The following ZNF565 variants were observed in gnomAD, a reference collection of about 807,000 sequenced individuals.
ZNF565 encodes the protein zinc finger protein 565.
ZNF565 carries 27 observed loss-of-function variants against 39.4 expected under a neutral mutation model. The ratio of observed to expected loss-of-function variants is 0.69; its 90% CI spans 0.51 to 0.95. The LOEUF is 0.95. Among genes scored for constraint, ZNF565 ranks in the 40% least tolerant of loss-of-function variants. The pLI is 0.00. For synonymous variants in ZNF565, 185 were observed against 216.6 expected, an observed-to-expected ratio of 0.85 and a Z score of 1.28; for missense variants, 524 against 621.1, an observed-to-expected ratio of 0.84 and a Z score of 1.66.
chr19:36,189,892 C>T (rs1296982790), intron 4 of ZNF565, among the ~76,000 whole-genome samples: 1 of 151,440 alleles, frequency 6.6e-6, no homozygotes, highest in Non-Finnish European at 1.5e-5. Context: ...TAAAGATGCG[C>T]GATCGATCTT....
chr19:36,188,702 A>T (rs952388262), intron 4 of ZNF565, among the ~76,000 whole-genome samples: 2 of 144,240 alleles, frequency 1.4e-5, no homozygotes, highest in Non-Finnish European at 3.0e-5. Flanking sequence ...ACAGAGTGAG[A>T]CTCCGTCTCA....
At chr19:36,231,244 C>A (rs554558073) in intron 1 of ZNF565, among the ~76,000 whole-genome samples, 3 of 152,248 alleles carry the variant, frequency 2.0e-5, no homozygotes, top group African/African-American at 7.2e-5. Flanking sequence ...TAGTTTCACT[C>A]TGTTGTCCAG....
intron 1 of ZNF565, among the ~76,000 whole-genome samples, chr19:36,227,734 A>G (rs1251860085): frequency 6.6e-6 from 1 of 152,022 alleles, no homozygotes; most frequent in Non-Finnish European, 1.5e-5. Context: ...TTGTATTTTT[A>G]TAAGGACGGT....
chr19:36,241,462 T>A (rs1175522613), intron 1 of ZNF565, among the ~76,000 whole-genome samples: 2 of 110,268 alleles, frequency 1.8e-5, no homozygotes, highest in East Asian at 5.2e-4. Context: ...CCGGCCTGGG[T>A]GACAAGAGCA....
rs139401011 is a variant in ZNF565, at chr19:36,206,003, C to T, written c.-65-3953G>A. ...TTGAGACAAAATCTTGCTCTGTCAC[C>T]GAGGCTGGAGTGCACTGACGAGCTC... On this transcript the variant is annotated intron_variant, in intron 1 of 4. Coordinates refer to ENST00000304116, the MANE Select transcript of ZNF565 (RefSeq NM_152477.5). Among the ~76,000 whole-genome samples, 102 of 151,408 alleles carry T rather than the reference C, an allele frequency of 6.7e-4. No homozygotes were observed. In the East Asian group the frequency reaches 7.0e-3, roughly 10 times the overall value.
chr19:36,236,846 A>C, intron 1 of ZNF565: 1 of 1,613,902 alleles, frequency 6.2e-7, no homozygotes, highest in African/African-American at 1.3e-5. Context: ...GTGTGGAAAA[A>C]CCTTCAGTGG....
chr19:36,202,098 G>T, intron 1 of ZNF565, 48 bp from the exon 2 acceptor site: 1 of 1,029,520 alleles, frequency 9.7e-7, no homozygotes, highest in Non-Finnish European at 1.5e-6. Context: ...GATAAACTGA[G>T]CTTGCCTCAG....
rs190315582 is a variant in ZNF565 at position 36,185,275 on chromosome 19, G to A, written c.233-1542C>T. Among the ~76,000 whole-genome samples the A allele has an allele frequency of 2.8e-4, 42 of 151,976 alleles. No homozygotes were observed. The East Asian group carries it at 3.3e-3, about 12-fold the overall frequency. Reference sequence around the variant, plus strand: ...ACTAAAAATACAAAATTAGCCGGCCGTGGTGGCACATGCCTGTAATCCTAA... The same window carrying A: ...ACTAAAAATACAAAATTAGCCGGCCATGGTGGCACATGCCTGTAATCCTAA... On this transcript the variant is annotated intron_variant, in intron 4 of 4. Transcript: ENST00000304116.
chr19:36,203,294 C>T (rs894501968), intron 1 of ZNF565: 4 of 144,670 alleles, frequency 2.8e-5, no homozygotes, highest in African/African-American at 1.0e-4. Context: ...CGAGATCGCA[C>T]CATTGCACTC....
At chr19:36,204,644 C>A (rs537811396) in intron 1 of ZNF565, among the ~76,000 whole-genome samples, 34 of 152,076 alleles carry the variant, frequency 2.2e-4, no homozygotes, top group Non-Finnish European at 4.0e-4. Flanking sequence ...ATTTAATTAG[C>A]TCTAGAATCT....
intron 1 of ZNF565, among the ~76,000 whole-genome samples, chr19:36,233,007 T>G (rs1397783282): frequency 6.6e-6 from 1 of 152,242 alleles, no homozygotes; most frequent in Admixed American, 6.5e-5. Context: ...CTTTTGTATG[T>G]CCGTATCCAT....
chr19:36,242,245 C>G (rs1042662243), intron 1 of ZNF565, among the ~76,000 whole-genome samples: 10 of 151,520 alleles, frequency 6.6e-5, no homozygotes, highest in African/African-American at 2.2e-4. Context: ...AACCTTGTCT[C>G]TACTAAACAT....
Position 36,182,798 on chromosome 19 carries a change from G to A in ZNF565, c.1168C>T (p.Pro390Ser). 1.2e-6 allele frequency: 2 copies of A among 1,614,154 alleles called. No individual in the cohort carries two copies. The highest frequency in any genetic ancestry group is 2.2e-5 in the South Asian group (2 of 91,088). Residue 390 changes from proline to serine, a missense_variant, in exon 5 of 5, where the codon CCC (proline) becomes TCC (serine). Transcript: ENST00000304116. ...TTCCCGCAGTCCTTACATTCATAGGGTCTGTCGCCAGTATGGACTCTCTGA... is the reference window on the plus strand; with the variant it reads ...TTCCCGCAGTCCTTACATTCATAGGATCTGTCGCCAGTATGGACTCTCTGA... ...RHQRVHTGDR[P>S]YECKDCGKAF...
chr19:36,211,464 C>CAT (rs1976355592), intron 1 of ZNF565, among the ~76,000 whole-genome samples: 1 of 149,722 alleles, frequency 6.7e-6, no homozygotes, highest in Admixed American at 6.7e-5. Context: ...CACACACACA[C>CAT]ACACACACAC....
At chr19:36,194,980 G>A (rs1975703720) in intron 3 of ZNF565, 50 bp downstream of exon 3, 5 of 1,613,824 alleles carry the variant, frequency 3.1e-6, no homozygotes, top group Non-Finnish European at 4.2e-6. Context: ...CATGGTTGTA[G>A]TCCCTGTTGC....
intron 1 of ZNF565, among the ~76,000 whole-genome samples, chr19:36,204,018 C>T (rs951777164): frequency 2.0e-5 from 3 of 150,102 alleles, no homozygotes; most frequent in African/African-American, 7.4e-5. Context: ...GGCACAATCT[C>T]GGATCACTGC....
intron 1 of ZNF565, among the ~76,000 whole-genome samples, chr19:36,224,625 C>T (rs547304657): frequency 2.6e-5 from 4 of 152,268 alleles, no homozygotes; most frequent in African/African-American, 9.6e-5. Context: ...TGTTTCCTGG[C>T]TATTCTTGCC....
intron 1 of ZNF565, among the ~76,000 whole-genome samples, chr19:36,238,969 T>C (rs1384189358): frequency 6.6e-6 from 1 of 152,154 alleles, no homozygotes; most frequent in African/African-American, 2.4e-5. Context: ...GAATCCAGGT[T>C]GTGCGCTTCT....
chr19:36,226,626 A>C (rs999406545), intron 1 of ZNF565, among the ~76,000 whole-genome samples: 1 of 152,094 alleles, frequency 6.6e-6, no homozygotes, highest in African/African-American at 2.4e-5. Flanking sequence ...TCCTTTATCT[A>C]TAAATACTTC....
Sources: gnomAD v4.1 joint callset for allele counts (sites outside exome capture counted in the v4.1 genomes callset) on GRCh38, gnomAD v4.1.1 for gene constraint, MANE v1.5 for transcripts, NCBI Gene and HGNC (gene_info 2026-07-23, HGNC 2026-07-21) for gene names.